Variants in TBCA observed in about 807,000 individuals in gnomAD.
The protein encoded by TBCA is tubulin-specific chaperone A.
Under a neutral mutation model 15.8 loss-of-function variants are expected in TBCA, and 6 were observed. The observed-to-expected ratio is 0.38, with a 90% confidence interval of 0.21 to 0.75. The LOEUF (loss-of-function observed/expected upper bound fraction) is 0.75, where lower values mean the gene tolerates loss of function less well. Ranked by LOEUF, TBCA falls within the 30% of genes least tolerant of loss-of-function variation. The pLI, the probability that TBCA is intolerant of heterozygous loss-of-function variation, is 0.46. For missense variants in TBCA, 90 were observed against 131.2 expected (o/e 0.69, Z 1.53); for synonymous variants, 32 against 42.3 (o/e 0.76, Z 0.94).
At chr5:77,760,956 AC>A (rs1747612314) in intron 1 of TBCA, among the ~76,000 whole-genome samples, 1 of 83,244 alleles carries the variant, frequency 1.2e-5, no homozygotes, top group African/African-American at 4.9e-5. Context: ...CTGCCCGGCC[AC>A]CCATCGTCTG....
chr5:77,776,171 G>A (rs1213711509), intron 1 of TBCA, 34 bp downstream of exon 1: 11 of 1,551,432 alleles, frequency 7.1e-6, no homozygotes, highest in Non-Finnish European at 9.6e-6. Flanking sequence ...AGGTGACGAA[G>A]AGGAGGTGCA....
intron 1 of TBCA, among the ~76,000 whole-genome samples, chr5:77,711,563 C>G (rs970690194): frequency 6.6e-6 from 1 of 152,120 alleles, no homozygotes; most frequent in South Asian, 2.1e-4. Context: ...AATCTCACTA[C>G]TGTCTTTTAA....
At chr5:77,732,559 A>C (rs866055023) in intron 1 of TBCA, among the ~76,000 whole-genome samples, 15,511 of 92,916 alleles carry the variant, frequency 0.17, 798 homozygotes, top group East Asian at 0.3. Flanking sequence ...TCAAAAAAAA[A>C]AAAAAAAAAA....
intron 1 of TBCA, among the ~76,000 whole-genome samples, chr5:77,717,224 G>A (rs1462798087): frequency 2.0e-5 from 3 of 152,194 alleles, no homozygotes; most frequent in Non-Finnish European, 4.4e-5. Context: ...TATCCTTATA[G>A]TTAAGCCACA....
At chr5:77,740,450 G>A (rs1009064549) in intron 1 of TBCA, among the ~76,000 whole-genome samples, 1 of 152,090 alleles carries the variant, frequency 6.6e-6, no homozygotes, top group Non-Finnish European at 1.5e-5. Context: ...TTGAGATGTA[G>A]GTATTTTAAC....
intron 3 of TBCA, chr5:77,691,724 T>C: frequency 8.3e-7 from 1 of 1,201,216 alleles, no homozygotes; most frequent in East Asian, 4.3e-5. Context: ...GTATATATTC[T>C]CATAAAATAA....
chr5:77,769,291 T>C (rs533815811), intron 1 of TBCA, among the ~76,000 whole-genome samples: 24 of 152,302 alleles, frequency 1.6e-4, no homozygotes, highest in African/African-American at 5.8e-4. Flanking sequence ...AACTTAGCAA[T>C]GGGGTACAGT....
chr5:77,729,432 G>A (rs1746710287), intron 1 of TBCA, among the ~76,000 whole-genome samples: 1 of 152,114 alleles, frequency 6.6e-6, no homozygotes. Context: ...CTAGAAAGTT[G>A]ACTTGTGAGC....
chr5:77,721,944 A>G (rs375462726), intron 1 of TBCA, among the ~76,000 whole-genome samples: 2 of 152,236 alleles, frequency 1.3e-5, no homozygotes, highest in African/African-American at 4.8e-5. Context: ...TGGAGGCTTA[A>G]ACAGGAGAAT....
Position 77,776,234 on chromosome 5 carries a change from C to G in TBCA, c.24G>C (p.Gln8His). The part of the protein sequence containing the change: MADPRVR[Q>H]IKIKTGVVKR... The stretch of plus-strand genomic sequence containing the variant: ...TCACCACGCCGGTCTTGATCTTGAT[C>G]TGTCTCACGCGAGGATCGGCCATGG... Residue 8 changes from glutamine (Q) to histidine (H), a missense_variant, in exon 1 of 4, where the codon CAG becomes CAC. By Grantham distance (24) the Gln-to-His change is conservative. Coordinates refer to ENST00000380377, the MANE Select transcript of TBCA (RefSeq NM_004607.3). 6.3e-7 allele frequency: 1 copy of G among 1,578,180 alleles called. No homozygotes were observed. The highest frequency in any genetic ancestry group is 8.6e-7 in the Non-Finnish European group (1 of 1,163,000).
chr5:77,695,470 A>G (rs1461237548), intron 2 of TBCA, among the ~76,000 whole-genome samples: 1 of 152,226 alleles, frequency 6.6e-6, no homozygotes, highest in Non-Finnish European at 1.5e-5. Flanking sequence ...CAAGAAGATC[A>G]TGCCACAGAG....
At position 77,776,304 on chromosome 5, in the gene TBCA, C is replaced by T. The variant is rs577597180; in HGVS notation, c.-47G>A. The T allele has an allele frequency of 1.3e-6, 2 of 1,554,918 alleles. No homozygotes were observed. Among genetic ancestry groups the T allele is most frequent in the Non-Finnish European group, 1.7e-6 (2 of 1,149,880 alleles). On this transcript the variant is annotated 5_prime_UTR_variant, in exon 1 of 4. Transcript: ENST00000380377. ...AGGAGGGGCGGAGAGCCGGGGTAAC[C>T]GTGGAGGGCGACGCGCAGAGGCTGC... is the stretch of plus-strand genomic sequence containing the variant.
chr5:77,732,676 G>A (rs969948628), intron 1 of TBCA, among the ~76,000 whole-genome samples: 1 of 151,280 alleles, frequency 6.6e-6, no homozygotes, highest in African/African-American at 2.4e-5. Context: ...GATAATTCTT[G>A]CAATACTTCA....
chr5:77,735,547 T>C (rs1271966879), intron 1 of TBCA, among the ~76,000 whole-genome samples: 1 of 152,156 alleles, frequency 6.6e-6, no homozygotes, highest in Non-Finnish European at 1.5e-5. Context: ...TTCAATATAA[T>C]CCTGTCATTA....
At chr5:77,714,561 C>CTATTAT (rs141992862) in intron 1 of TBCA, among the ~76,000 whole-genome samples, 1 of 126,464 alleles carries the variant, frequency 7.9e-6, no homozygotes, top group African/African-American at 3.0e-5. Flanking sequence ...ACAATTATTA[C>CTATTAT]TATTATTATT....
At chr5:77,691,550 TTTG>T (rs753045117) in intron 3 of TBCA, 52 bp from the exon 4 acceptor site, 1 of 1,496,038 alleles carries the variant, frequency 6.7e-7, no homozygotes, top group Non-Finnish European at 8.9e-7. Context: ...GTTTCAGTAC[TTTG>T]TTATTTACTC....
chr5:77,732,520 C>A (rs1746796509), intron 1 of TBCA, among the ~76,000 whole-genome samples: 1 of 128,778 alleles, frequency 7.8e-6, no homozygotes, highest in Admixed American at 9.3e-5. Flanking sequence ...CACTGCACTC[C>A]AGTCTGGGCG....
intron 1 of TBCA, among the ~76,000 whole-genome samples, chr5:77,757,506 GCAA>G (rs984371561): frequency 4.0e-4 from 61 of 152,262 alleles, no homozygotes; most frequent in Middle Eastern, 6.8e-3. Flanking sequence ...GAGTTGTACA[GCAA>G]CAACAACAAC....
intron 1 of TBCA, among the ~76,000 whole-genome samples, chr5:77,730,122 T>G (rs1300203042): frequency 5.3e-5 from 8 of 152,244 alleles, no homozygotes; most frequent in Non-Finnish European, 1.5e-5. Context: ...TGAGACGTTG[T>G]ATTGGATTGA....
Sources: allele counts gnomAD v4.1 joint callset (sites outside exome capture counted in the v4.1 genomes callset), GRCh38; gene constraint gnomAD v4.1.1; transcripts MANE v1.5; gene names NCBI Gene and HGNC (gene_info 2026-07-23, HGNC 2026-07-21).